SEMA3E: variants seen among roughly 807,000 people sequenced by gnomAD.
SEMA3E encodes the protein semaphorin 3E, also known as semaphorin-3E.
In SEMA3E, 49 loss-of-function variants were observed where a neutral mutation model predicts 93.6. The observed-to-expected ratio is 0.52, with a 90% confidence interval of 0.42 to 0.66. The LOEUF (loss-of-function observed/expected upper bound fraction) is 0.66. SEMA3E is among the 30% of genes least tolerant of loss of function. SEMA3E has a pLI of 0.00. For synonymous variants in SEMA3E, 363 were observed against 330.7 expected, an observed-to-expected ratio of 1.10 and a Z score of -1.06; for missense variants, 906 against 964.8, an observed-to-expected ratio of 0.94 and a Z score of 0.81.
chr7:83,515,341 A>G (rs1468623), intron 1 of SEMA3E, among the ~76,000 whole-genome samples: 23,079 of 151,558 alleles, frequency 0.15, 2,340 homozygotes, highest in Middle Eastern at 0.36. Context: ...AAGTGTTGTT[A>G]CAAATTACTT....
chr7:83,540,229 T>G (rs568765477), intron 1 of SEMA3E, among the ~76,000 whole-genome samples: 1 of 152,300 alleles, frequency 6.6e-6, no homozygotes, highest in East Asian at 1.9e-4. Flanking sequence ...AATTAGCTAG[T>G]CTACTAACAC....
chr7:83,537,280 T>C (rs924818655), intron 1 of SEMA3E, among the ~76,000 whole-genome samples: 2 of 152,210 alleles, frequency 1.3e-5, no homozygotes, highest in African/African-American at 2.4e-5. Context: ...ACAGTTTAAA[T>C]AGACAAATAT....
chr7:83,387,130 A>G (rs1001634795), intron 14 of SEMA3E, 80 bp from the exon 15 acceptor site: 1 of 1,135,524 alleles, frequency 8.8e-7, no homozygotes, highest in South Asian at 1.3e-5. Context: ...CATTTCATAT[A>G]CAAGTAGTAT....
Position 83,464,536 on chromosome 7 carries a change from GTAAA to G in SEMA3E, c.456+1942_456+1945del, listed in dbSNP as rs756931676. The stretch of plus-strand genomic sequence containing the variant: ...CAAACTGCCACTCTTAACCCTTGAA[GTAAA>G]TAAATAATCTTTGCTGGCAGGACTA... On this transcript the variant is annotated intron_variant, in intron 4 of 16. Coordinates refer to ENST00000643230, the MANE Select transcript of SEMA3E (RefSeq NM_012431.3). Among the ~76,000 whole-genome samples, 204 of 131,842 alleles carry G rather than the reference GTAAA, an allele frequency of 1.5e-3. 2 individuals are homozygous for G. Among genetic ancestry groups the G allele is most frequent in the African/African-American group, 3.7e-3 (141 of 38,422 alleles). The allele number at this position is 131,842 out of a possible 152,430, so 86.5% of individuals were successfully genotyped here. A position where few individuals can be genotyped will look rare whatever the true frequency, so the allele number is the denominator to read the frequency against.
intron 1 of SEMA3E, among the ~76,000 whole-genome samples, chr7:83,623,347 C>G (rs976656474): frequency 5.9e-5 from 9 of 152,098 alleles, no homozygotes; most frequent in Non-Finnish European, 1.0e-4. Flanking sequence ...AAGCATATCT[C>G]TAATCCGAGG....
At chr7:83,482,677 A>C (rs1790172239) in intron 2 of SEMA3E, among the ~76,000 whole-genome samples, 1 of 152,024 alleles carries the variant, frequency 6.6e-6, no homozygotes, top group African/African-American at 2.4e-5. Flanking sequence ...CTTTCATTAC[A>C]TCTTCAAAGA....
intron 1 of SEMA3E, among the ~76,000 whole-genome samples, chr7:83,638,767 T>G (rs1323088437): frequency 6.6e-6 from 1 of 152,036 alleles, no homozygotes. Context: ...CACAGCCCAG[T>G]GTTTCTCATA....
At chr7:83,547,469 T>C (rs553074388) in intron 1 of SEMA3E, among the ~76,000 whole-genome samples, 3 of 152,162 alleles carry the variant, frequency 2.0e-5, no homozygotes, top group Non-Finnish European at 2.9e-5. Context: ...CTGATTTTCT[T>C]TATGGGTGTG....
At chr7:83,372,000 A>G (rs1311024811) in intron 16 of SEMA3E, 4 of 335,376 alleles carry the variant, frequency 1.2e-5, no homozygotes, top group South Asian at 1.6e-4. Flanking sequence ...CTTCAAACAT[A>G]TAAGTTTTTA....
chr7:83,441,779 G>A (rs1211617307), intron 4 of SEMA3E, among the ~76,000 whole-genome samples: 1 of 152,136 alleles, frequency 6.6e-6, no homozygotes, highest in African/African-American at 2.4e-5. Context: ...ATATACATGT[G>A]TGTATATATA....
chr7:83,458,869 A>G (rs1482142012), intron 4 of SEMA3E, among the ~76,000 whole-genome samples: 2 of 146,774 alleles, frequency 1.4e-5, no homozygotes, highest in African/African-American at 2.5e-5. Context: ...ATATATGATT[A>G]TATGTTATAT....
chr7:83,492,400 C>G (rs115266801), intron 1 of SEMA3E, among the ~76,000 whole-genome samples: 4 of 151,886 alleles, frequency 2.6e-5, no homozygotes, highest in African/African-American at 9.7e-5. Flanking sequence ...CTTTTACTTG[C>G]TTTTATGACT....
At chr7:83,388,146 TAAAAATAC>T (rs1787922180) in intron 14 of SEMA3E, among the ~76,000 whole-genome samples, 1 of 148,072 alleles carries the variant, frequency 6.8e-6, no homozygotes, top group Admixed American at 6.8e-5. Flanking sequence ...CCGTGTCTAC[TAAAAATAC>T]AAAAATTAGT....
chr7:83,533,140 C>A (rs1159944988), intron 1 of SEMA3E, among the ~76,000 whole-genome samples: 2 of 152,086 alleles, frequency 1.3e-5, no homozygotes, highest in African/African-American at 4.8e-5. Context: ...CTGACATTAC[C>A]TAAATTTCCT....
Position 83,566,150 on chromosome 7 carries a change from A to T in SEMA3E, c.116-75876T>A, listed in dbSNP as rs546112799. Among the ~76,000 whole-genome samples, 20 of 148,116 alleles carry T rather than the reference A, an allele frequency of 1.4e-4. No homozygotes were observed. The East Asian group carries it at 3.6e-3, about 26-fold the overall frequency. On this transcript the variant is annotated intron_variant, in intron 1 of 16. Transcript: ENST00000643230. ...GTAGCTGTGACTACAGGCGGCCGTC[A>T]CCACACCTGGCTATTTTTTTTTTTT...
chr7:83,595,379 G>A (rs1326386675), intron 1 of SEMA3E, among the ~76,000 whole-genome samples: 1 of 151,962 alleles, frequency 6.6e-6, no homozygotes, highest in Non-Finnish European at 1.5e-5. Flanking sequence ...AAACAGTACA[G>A]AGTTTACATA....
At chr7:83,452,051 T>C (rs985923982) in intron 4 of SEMA3E, among the ~76,000 whole-genome samples, 34 of 152,332 alleles carry the variant, frequency 2.2e-4, no homozygotes, top group African/African-American at 8.2e-4. Flanking sequence ...AAATACATTA[T>C]GGTTTATTCT....
chr7:83,502,672 T>C (rs376522429), intron 1 of SEMA3E, among the ~76,000 whole-genome samples: 1 of 152,232 alleles, frequency 6.6e-6, no homozygotes, highest in Non-Finnish European at 1.5e-5. Context: ...TCTTTTCATA[T>C]CCTGTATTGC....
chr7:83,564,530 C>G (rs929654946), intron 1 of SEMA3E, among the ~76,000 whole-genome samples: 1 of 152,156 alleles, frequency 6.6e-6, no homozygotes, highest in Non-Finnish European at 1.5e-5. Context: ...AAAAAGTTTT[C>G]CATCAATACA....
Sources: allele counts gnomAD v4.1 joint callset (sites outside exome capture counted in the v4.1 genomes callset), GRCh38; gene constraint gnomAD v4.1.1; transcripts MANE v1.5; gene names NCBI Gene and HGNC (gene_info 2026-07-23, HGNC 2026-07-21).